Variants in ZNF184 observed in about 807,000 individuals in gnomAD.
ZNF184 encodes zinc finger protein 184, also known as zinc finger protein 184 (Kruppel-like).
In ZNF184, 16 loss-of-function variants were observed where a neutral mutation model predicts 54.4. The ratio of observed to expected loss-of-function variants is 0.29; its 90% confidence interval spans 0.20 to 0.45. ZNF184 has a LOEUF of 0.45. Ranked by LOEUF, ZNF184 falls within the 20% of genes least tolerant of loss-of-function variation. The probability of loss-of-function intolerance (pLI) is 1.00; values close to 1 mark genes in which losing one functional copy is unlikely to be tolerated. For missense variants in ZNF184, 681 were observed against 888.2 expected (o/e 0.77, Z 2.97); for synonymous variants, 254 against 295.3 (o/e 0.86, Z 1.43).
At chr6:27,414,165 T>C in the ZNF184 span, among the ~76,000 whole-genome samples, 1 of 152,176 alleles carries the variant, frequency 6.6e-6, no homozygotes, top group African/African-American at 2.4e-5. Context: ...TGTTCTAGAA[T>C]CAAACCATTT....
chr6:27,439,779 AG>A, the ZNF184 span, among the ~76,000 whole-genome samples: 1 of 152,192 alleles, frequency 6.6e-6, no homozygotes, highest in Non-Finnish European at 1.5e-5. Context: ...ATGTATGTGT[AG>A]GGAAAAGCAG....
the ZNF184 span, among the ~76,000 whole-genome samples, chr6:27,441,162 G>C: frequency 6.6e-6 from 1 of 152,146 alleles, no homozygotes; most frequent in African/African-American, 2.4e-5. Flanking sequence ...TTTACTGATA[G>C]GCATTGTGAT....
chr6:27,451,196 T>A lies in ZNF184; in HGVS notation c.*107A>T. ...ATTCCATAACATGATAGTGAAAATT[T>A]AAAAGATTTCAAGGCAGTTTCTAAA... On this transcript the variant is annotated 3_prime_UTR_variant, in exon 6 of 6. Coordinates refer to ENST00000683788, the MANE Select transcript of ZNF184 (RefSeq NM_001318891.2). 7.4e-7 allele frequency: 1 copy of A among 1,344,398 alleles called. No homozygotes were observed. The highest frequency in any genetic ancestry group is 1.0e-6 in the Non-Finnish European group (1 of 994,562). The allele number at this position is 1,344,398 out of a possible 1,614,324, so 83.3% of individuals were successfully genotyped here. A position where few individuals can be genotyped will look rare whatever the true frequency, so the allele number is the denominator to read the frequency against.
the ZNF184 span, among the ~76,000 whole-genome samples, chr6:27,422,148 A>AAAAGAAAG: frequency 0.069 from 2,976 of 42,944 alleles, 224 homozygotes; most frequent in East Asian, 0.12. Context: ...CTCAAAAAAA[A>AAAAGAAAG]AAAGAAAGAA....
chr6:27,460,739 A>G (rs142247005), intron 3 of ZNF184, among the ~76,000 whole-genome samples: 2,748 of 152,364 alleles, frequency 0.018, 35 homozygotes, highest in South Asian at 0.039. Flanking sequence ...CAAAGTTACC[A>G]ACATGACATA....
chr6:27,451,607 AAGG>A lies in ZNF184; in HGVS notation c.1949_1951del (p.Thr650_Phe651delinsIle). The A allele has an allele frequency of 6.2e-7, 1 of 1,614,108 alleles. No individual in the cohort carries two copies. Among genetic ancestry groups the A allele is most frequent in the South Asian group, 1.1e-5 (1 of 91,070 alleles). On this transcript the variant is annotated inframe_deletion, in exon 6 of 6. Transcript: ENST00000683788. ...CTGAGTTAGATGGGAGCTCTGGCTA[AAGG>A]TCTTTTCACATTTATTACACTGGTA...
the ZNF184 span, among the ~76,000 whole-genome samples, chr6:27,432,340 T>G: frequency 6.6e-6 from 1 of 152,204 alleles, no homozygotes; most frequent in Non-Finnish European, 1.5e-5. The surrounding 1 kb of genome is among the most constrained non-coding windows in gnomAD (Gnocchi z 4.0). Flanking sequence ...TAAAGCATGA[T>G]TTTGAATATC....
At chr6:27,468,893 G>A (rs2113737020) in intron 2 of ZNF184, among the ~76,000 whole-genome samples, 1 of 152,200 alleles carries the variant, frequency 6.6e-6, no homozygotes, top group East Asian at 1.9e-4. Flanking sequence ...ATACTTCTGG[G>A]GCATTAGAAA....
chr6:27,433,898 TTCTTTCTC>T, the ZNF184 span, among the ~76,000 whole-genome samples: 2 of 149,434 alleles, frequency 1.3e-5, no homozygotes, highest in African/African-American at 5.0e-5. Flanking sequence ...CTTCCTTCCT[TTCTTTCTC>T]TTTTTCTTTC....
the ZNF184 span, among the ~76,000 whole-genome samples, chr6:27,413,563 G>C: frequency 2.6e-5 from 4 of 152,016 alleles, no homozygotes; most frequent in African/African-American, 7.2e-5. Context: ...TGTTTTATTT[G>C]TCCCTTTTTT....
chr6:27,416,758 G>A, the ZNF184 span, among the ~76,000 whole-genome samples: 1 of 152,090 alleles, frequency 6.6e-6, no homozygotes, highest in Non-Finnish European at 1.5e-5. Flanking sequence ...TGCTATAAGA[G>A]TTTCATTATT....
At chr6:27,417,158 C>G in the ZNF184 span, among the ~76,000 whole-genome samples, 7 of 152,148 alleles carry the variant, frequency 4.6e-5, no homozygotes, top group African/African-American at 9.7e-5. Flanking sequence ...AAGAAAAAAA[C>G]ACTTCCAAAA....
At position 27,472,671 on chromosome 6, in the gene ZNF184, C is replaced by A; in HGVS notation, c.-140+58G>T. 4.0e-6 allele frequency: 1 copy of A among 252,750 alleles called. No homozygotes were observed. The highest frequency in any genetic ancestry group is 5.4e-5 in the South Asian group (1 of 18,496). 15.7% of individuals were successfully genotyped at this position (252,750 alleles called of 1,614,324 possible). Reference sequence around the variant, plus strand: ...GGGGCATCCACAGACCTGGTGTGTTCCCTCTGTGCACACTTGTGACTCACA... The same window carrying A: ...GGGGCATCCACAGACCTGGTGTGTTACCTCTGTGCACACTTGTGACTCACA... On this transcript the variant is annotated intron_variant, in intron 1 of 5. Coordinates refer to ENST00000683788, the MANE Select transcript of ZNF184 (RefSeq NM_001318891.2). This position sits in a 1 kb window ranked among gnomAD's most constrained non-coding sequence, Gnocchi z 4.8.
the ZNF184 span, among the ~76,000 whole-genome samples, chr6:27,419,649 A>G: frequency 6.6e-6 from 1 of 152,174 alleles, no homozygotes; most frequent in Non-Finnish European, 1.5e-5. The surrounding 1 kb of genome is among the most constrained non-coding windows in gnomAD (Gnocchi z 4.8). Context: ...TTCAACAGTG[A>G]AACCCAAAAT....
intron 3 of ZNF184, among the ~76,000 whole-genome samples, chr6:27,459,974 G>A (rs562468328): frequency 8.6e-4 from 131 of 152,242 alleles, no homozygotes; most frequent in South Asian, 1.7e-3. Context: ...ACCAGCCTGC[G>A]CAACACAGTG....
At chr6:27,411,806 C>T in the ZNF184 span, among the ~76,000 whole-genome samples, 1 of 152,244 alleles carries the variant, frequency 6.6e-6, no homozygotes, top group Non-Finnish European at 1.5e-5. Flanking sequence ...TTGGCATGGG[C>T]CCTTACTTTT....
intron 2 of ZNF184, among the ~76,000 whole-genome samples, chr6:27,471,608 G>C (rs947902678): frequency 6.6e-6 from 1 of 152,168 alleles, no homozygotes; most frequent in African/African-American, 2.4e-5. Context: ...ACAAGCAGGA[G>C]AGTTTTCAGA....
the ZNF184 span, among the ~76,000 whole-genome samples, chr6:27,440,760 T>G: frequency 2.0e-5 from 3 of 152,026 alleles, no homozygotes; most frequent in East Asian, 1.9e-4. Flanking sequence ...TCCCAGCACT[T>G]TGCGAGGCCG....
In ZNF184 at chr6:27,457,277, C is replaced by T. The variant is rs1762880514; in HGVS notation, c.202+6G>A. 3 of 1,613,418 alleles carry T rather than the reference C, an allele frequency of 1.9e-6. No homozygotes were observed. The highest frequency in any genetic ancestry group is 2.5e-6 in the Non-Finnish European group (3 of 1,179,664). ...CTTGATATTAACTCAGAGAAATTAT[C>T]CTTACCTATAGAGACCAGGTGTGTA... On this transcript the variant is annotated splice_donor_region_variant and intron_variant, in intron 4 of 5. Coordinates refer to ENST00000683788, the MANE Select transcript of ZNF184 (RefSeq NM_001318891.2).
Sources: gnomAD v4.1 joint callset for allele counts (sites outside exome capture counted in the v4.1 genomes callset) on GRCh38, gnomAD v4.1.1 for gene constraint, Gnocchi (gnomAD v3.1) non-coding constraint, MANE v1.5 for transcripts, NCBI Gene and HGNC (gene_info 2026-07-23, HGNC 2026-07-21) for gene names.